Variants in SYN2 observed in about 807,000 individuals in gnomAD.
SYN2 encodes synapsin II.
SYN2 carries 19 observed loss-of-function variants against 50.9 expected under a neutral mutation model. That is an observed-to-expected ratio of 0.37 (90% CI 0.26 to 0.55). The LOEUF (loss-of-function observed/expected upper bound fraction) is 0.55, where lower values mean the gene tolerates loss of function less well. SYN2 is among the 20% of genes least tolerant of loss of function. SYN2 has a pLI of 0.81. For synonymous variants in SYN2, 255 were observed against 224.9 expected, an observed-to-expected ratio of 1.13 and a Z score of -1.20; for missense variants, 587 against 576.4, an observed-to-expected ratio of 1.02 and a Z score of -0.19.
chr3:12,168,820 G>A (rs1280758420), intron 9 of SYN2, among the ~76,000 whole-genome samples: 5 of 149,112 alleles, frequency 3.4e-5, no homozygotes, highest in Non-Finnish European at 7.4e-5. Flanking sequence ...ACCACAGGGT[G>A]AATCAGTGTC....
intron 1 of SYN2, among the ~76,000 whole-genome samples, chr3:12,085,399 G>A (rs537700985): frequency 4.6e-5 from 7 of 150,988 alleles, no homozygotes; most frequent in African/African-American, 1.5e-4. Flanking sequence ...GCACGCACTC[G>A]ATGTCAGAGC....
chr3:12,174,177 TGG>T (rs772403297), intron 10 of SYN2, among the ~76,000 whole-genome samples: 14 of 152,164 alleles, frequency 9.2e-5, no homozygotes, highest in Middle Eastern at 3.2e-3. Flanking sequence ...TTGGTGGTCT[TGG>T]CCAGCCTGTA....
intron 1 of SYN2, among the ~76,000 whole-genome samples, chr3:12,027,981 TTTTTTTTA>T (rs1038017942): frequency 1.8e-4 from 23 of 127,502 alleles, no homozygotes; most frequent in South Asian, 4.2e-4. Context: ...GCTCTACTTC[TTTTTTTTA>T]TTTTTTTATT....
chr3:12,184,227 G>C, intron 11 of SYN2: 1 of 985,776 alleles, frequency 1.0e-6, no homozygotes. Context: ...TTAAAAAATG[G>C]GGCCGCTGAT....
chr3:12,079,953 G>A (rs1695551857), intron 1 of SYN2, among the ~76,000 whole-genome samples: 1 of 151,944 alleles, frequency 6.6e-6, no homozygotes, highest in South Asian at 2.1e-4. Context: ...TGGTTGGTAG[G>A]CAGTTTATTA....
chr3:12,096,870 A>G (rs1695946765), intron 1 of SYN2, among the ~76,000 whole-genome samples: 1 of 152,190 alleles, frequency 6.6e-6, no homozygotes, highest in African/African-American at 2.4e-5. Context: ...ACAGAAAGAA[A>G]AAAATGTACA....
chr3:12,184,515 C>T (rs1024748037), intron 11 of SYN2: 6 of 985,812 alleles, frequency 6.1e-6, no homozygotes, highest in Non-Finnish European at 7.2e-6. Flanking sequence ...TCCCATGTCA[C>T]TTGAGTGGGT....
At chr3:12,181,872 C>T (rs533912176) in intron 10 of SYN2, among the ~76,000 whole-genome samples, 23 of 152,122 alleles carry the variant, frequency 1.5e-4, no homozygotes, top group African/African-American at 5.5e-4. Context: ...GCTGGCTTCC[C>T]GGGTATGGGT....
chr3:12,189,286 C>A (rs1298151186), intron 12 of SYN2, among the ~76,000 whole-genome samples: 1 of 152,208 alleles, frequency 6.6e-6, no homozygotes, highest in Non-Finnish European at 1.5e-5. Context: ...GGCTGGGCCT[C>A]CCCATGGCCT....
At chr3:12,090,532 T>C (rs1695804534) in intron 1 of SYN2, among the ~76,000 whole-genome samples, 1 of 152,172 alleles carries the variant, frequency 6.6e-6, no homozygotes, top group South Asian at 2.1e-4. Context: ...AGTTCACTCC[T>C]CTGTGCTTCA....
chr3:12,176,600 A>G (rs918917824), intron 10 of SYN2, among the ~76,000 whole-genome samples: 1 of 152,224 alleles, frequency 6.6e-6, no homozygotes, highest in Non-Finnish European at 1.5e-5. Context: ...AGCTGATCAG[A>G]GCACATCTGA....
At chr3:12,180,092 G>A (rs1698188888) in intron 10 of SYN2, among the ~76,000 whole-genome samples, 1 of 152,104 alleles carries the variant, frequency 6.6e-6, no homozygotes, top group Non-Finnish European at 1.5e-5. Flanking sequence ...GGGACTATAA[G>A]CACATGCCAC....
At chr3:12,187,768 TTGTGTG>T (rs35996249) in intron 12 of SYN2, among the ~76,000 whole-genome samples, 156 bp downstream of exon 12, 7 of 150,012 alleles carry the variant, frequency 4.7e-5, no homozygotes, top group Admixed American at 4.6e-4. Context: ...TTTTTGGTTT[TTGTGTG>T]TGTGTGTGTG....
chr3:12,158,612 C>A, intron 5 of SYN2: 4 of 1,548,906 alleles, frequency 2.6e-6, no homozygotes, highest in Non-Finnish European at 2.6e-6. Context: ...GAGCTCCTCC[C>A]TTTTCCTCTG....
intron 1 of SYN2, among the ~76,000 whole-genome samples, chr3:12,130,344 C>T (rs188809396): frequency 3.3e-5 from 5 of 152,128 alleles, no homozygotes; most frequent in East Asian, 3.9e-4. Flanking sequence ...CCCAGGAGAG[C>T]TAATGATAGT....
intron 10 of SYN2, among the ~76,000 whole-genome samples, chr3:12,175,211 A>C (rs1294604109): frequency 2.0e-5 from 3 of 152,132 alleles, no homozygotes; most frequent in African/African-American, 7.2e-5. Context: ...CTCCTGCCCC[A>C]CTCCCTTTGA....
chr3:12,124,624 T>C (rs1367540417), intron 1 of SYN2, among the ~76,000 whole-genome samples: 1 of 152,178 alleles, frequency 6.6e-6, no homozygotes, highest in East Asian at 1.9e-4. Flanking sequence ...AGGCCAGGGT[T>C]TTGTATATTA....
At chr3:12,179,203 C>G (rs1440745698) in intron 10 of SYN2, among the ~76,000 whole-genome samples, 1 of 151,790 alleles carries the variant, frequency 6.6e-6, no homozygotes, top group Non-Finnish European at 1.5e-5. Flanking sequence ...GGAAGCGGCA[C>G]ACTCTCCTTG....
At chr3:12,099,739 C>T (rs541334978) in intron 1 of SYN2, among the ~76,000 whole-genome samples, 44 of 151,940 alleles carry the variant, frequency 2.9e-4, no homozygotes, top group Middle Eastern at 6.8e-3. Context: ...CCGAAATGGG[C>T]GGATCACGAG....
Sources: gnomAD v4.1 joint callset for allele counts (sites outside exome capture counted in the v4.1 genomes callset) on GRCh38, gnomAD v4.1.1 for gene constraint, MANE v1.5 for transcripts, NCBI Gene and HGNC (gene_info 2026-07-23, HGNC 2026-07-21) for gene names.